Variants in RGS7 observed in about 807,000 individuals in gnomAD.
RGS7 encodes the protein regulator of G protein signaling 7, also known as regulator of G-protein signaling 7.
In RGS7, 27 loss-of-function variants were observed where a neutral mutation model predicts 81.1. That is an observed-to-expected ratio of 0.33 (90% CI 0.25 to 0.46). The LOEUF (loss-of-function observed/expected upper bound fraction) is 0.46, where lower values mean the gene tolerates loss of function less well. RGS7 is among the 20% of genes least tolerant of loss of function. The pLI is 1.00. For missense variants in RGS7, 396 were observed against 607.4 expected (o/e 0.65, Z 3.66); for synonymous variants, 208 against 207.7 (o/e 1.00, Z -0.01).
chr1:241,118,662 CAGAATAA>C (rs1007486088), intron 2 of RGS7, among the ~76,000 whole-genome samples: 1 of 151,872 alleles, frequency 6.6e-6, no homozygotes, highest in Non-Finnish European at 1.5e-5. Context: ...CAACAGTTGA[CAGAATAA>C]AGAAAACATG....
intron 6 of RGS7, among the ~76,000 whole-genome samples, chr1:240,923,138 G>T (rs564864577): frequency 6.6e-6 from 1 of 152,126 alleles, no homozygotes; most frequent in South Asian, 2.1e-4. Flanking sequence ...TCTGTAAAAG[G>T]TAAAACTATG....
At chr1:241,172,456 G>A (rs187035927) in intron 2 of RGS7, among the ~76,000 whole-genome samples, 1 of 152,254 alleles carries the variant, frequency 6.6e-6, no homozygotes, top group African/African-American at 2.4e-5. Context: ...AGGACTAGGA[G>A]GGCAAAGAAC....
chr1:241,002,658 T>C (rs948241014), intron 3 of RGS7, among the ~76,000 whole-genome samples: 12 of 152,238 alleles, frequency 7.9e-5, no homozygotes, highest in Non-Finnish European at 1.6e-4. Flanking sequence ...TTTGTCTTGC[T>C]TATGCCTGTA....
chr1:241,284,723 A>G (rs1471768702), intron 2 of RGS7, among the ~76,000 whole-genome samples: 1 of 152,180 alleles, frequency 6.6e-6, no homozygotes, highest in Non-Finnish European at 1.5e-5. Flanking sequence ...GGGGAACCCC[A>G]TTATAGCTTG....
intron 6 of RGS7, chr1:240,920,730 G>C (rs565302377): frequency 1.3e-5 from 8 of 595,138 alleles, no homozygotes; most frequent in South Asian, 1.1e-4. Flanking sequence ...CTGCTACAAA[G>C]AAGACATGTT....
At chr1:241,310,435 CTGTGTGTGTGAGTG>C (rs1171563146) in intron 2 of RGS7, among the ~76,000 whole-genome samples, 3 of 115,456 alleles carry the variant, frequency 2.6e-5, no homozygotes, top group African/African-American at 5.4e-5. Context: ...GTATGTGTGT[CTGTGTGTGTGAGTG>C]TGTGTGTGTG....
chr1:241,191,482 A>G (rs999478702), intron 2 of RGS7, among the ~76,000 whole-genome samples: 1 of 152,056 alleles, frequency 6.6e-6, no homozygotes, highest in African/African-American at 2.4e-5. Flanking sequence ...ATGATGTATA[A>G]CTCTTTATAT....
intron 2 of RGS7, among the ~76,000 whole-genome samples, chr1:241,228,768 G>A (rs2075475235): frequency 1.3e-5 from 2 of 152,036 alleles, no homozygotes; most frequent in South Asian, 4.1e-4. Flanking sequence ...ACATGCTTTG[G>A]CATCAGATCT....
intron 2 of RGS7, among the ~76,000 whole-genome samples, chr1:241,170,089 T>C (rs905025684): frequency 2.0e-5 from 3 of 152,092 alleles, no homozygotes; most frequent in Non-Finnish European, 2.9e-5. Context: ...ACTATGGCCA[T>C]TGACTAACAG....
chr1:240,937,315 A>G (rs549423208), intron 4 of RGS7, among the ~76,000 whole-genome samples: 18 of 152,210 alleles, frequency 1.2e-4, no homozygotes, highest in African/African-American at 4.3e-4. Flanking sequence ...TTGCTGAGAA[A>G]TCCTTTGTTT....
chr1:241,136,635 C>G (rs1337797983), intron 2 of RGS7, among the ~76,000 whole-genome samples: 1 of 152,170 alleles, frequency 6.6e-6, no homozygotes, highest in Admixed American at 6.5e-5. Context: ...CATCTGGAAA[C>G]CTGAAGATGG....
intron 10 of RGS7, among the ~76,000 whole-genome samples, chr1:240,825,120 T>C (rs150428255): frequency 6.6e-5 from 10 of 152,334 alleles, no homozygotes; most frequent in Non-Finnish European, 1.3e-4. Context: ...CTTATATCCA[T>C]GTACAGACAT....
chr1:241,034,429 T>C (rs371926391), intron 3 of RGS7, among the ~76,000 whole-genome samples: 13 of 152,298 alleles, frequency 8.5e-5, no homozygotes, highest in African/African-American at 2.9e-4. Context: ...AAATATCCTT[T>C]CATTTATCAA....
At chr1:240,800,074 TG>T (rs1687784055) in intron 18 of RGS7, among the ~76,000 whole-genome samples, 1 of 152,206 alleles carries the variant, frequency 6.6e-6, no homozygotes, top group South Asian at 2.1e-4. Context: ...GCATTACGTT[TG>T]AAAAGGATTA....
chr1:241,354,569 A>G (rs1246762974), intron 2 of RGS7, among the ~76,000 whole-genome samples: 1 of 152,178 alleles, frequency 6.6e-6, no homozygotes, highest in Non-Finnish European at 1.5e-5. Flanking sequence ...ACACATATTC[A>G]TCACTACCTT....
chr1:240,897,826 T>A (rs1001389389), intron 6 of RGS7, among the ~76,000 whole-genome samples: 3 of 152,218 alleles, frequency 2.0e-5, no homozygotes, highest in African/African-American at 7.2e-5. Context: ...TCCTTCTTTT[T>A]CTATTGATTG....
In RGS7 at chr1:241,085,325, A is replaced by G. The variant is rs2063366773; in HGVS notation, c.175+13341T>C. Among the ~76,000 whole-genome samples, 3 of 152,212 alleles carry G rather than the reference A, an allele frequency of 2.0e-5. No individual in the cohort carries two copies. In the South Asian group the frequency reaches 6.2e-4, roughly 32 times the overall value. On this transcript the variant is annotated intron_variant, in intron 3 of 18. Coordinates refer to ENST00000440928, the MANE Select transcript of RGS7 (RefSeq NM_001364886.1). The stretch of plus-strand genomic sequence containing the variant: ...AGGTTAATATGGATAGGCTGGGGGC[A>G]GTGGTGGTGGATATTTCCAGAGATA...
At chr1:240,977,891 C>T (rs1268131980) in intron 4 of RGS7, among the ~76,000 whole-genome samples, 1 of 152,146 alleles carries the variant, frequency 6.6e-6, no homozygotes, top group Non-Finnish European at 1.5e-5. Context: ...AAGAAATCAG[C>T]CATGGCCATG....
chr1:241,167,862 T>C (rs1355891242), intron 2 of RGS7, among the ~76,000 whole-genome samples: 2 of 152,118 alleles, frequency 1.3e-5, no homozygotes, highest in East Asian at 1.9e-4. Flanking sequence ...TGCTGTCAGT[T>C]ACCCAAATAT....
Sources: allele counts gnomAD v4.1 joint callset (sites outside exome capture counted in the v4.1 genomes callset), GRCh38; gene constraint gnomAD v4.1.1; transcripts MANE v1.5; gene names NCBI Gene and HGNC (gene_info 2026-07-23, HGNC 2026-07-21).